The following RIMS2 variants were observed in gnomAD, a reference collection of about 807,000 sequenced individuals.
RIMS2 encodes the protein regulating synaptic membrane exocytosis protein 2.
Under a neutral mutation model 174.4 loss-of-function variants are expected in RIMS2, and 59 were observed. The observed-to-expected ratio is 0.34, with a 90% CI of 0.27 to 0.42. The LOEUF (loss-of-function observed/expected upper bound fraction) is 0.42, where lower values mean the gene tolerates loss of function less well. Among genes scored for constraint, RIMS2 ranks in the 10% least tolerant of loss-of-function variants. RIMS2 has a pLI of 1.00. For synonymous variants in RIMS2, 606 were observed against 572.5 expected, an observed-to-expected ratio of 1.06 and a Z score of -0.84; for missense variants, 1,620 against 1,666.3, an observed-to-expected ratio of 0.97 and a Z score of 0.48.
At chr8:103,769,881 A>G (rs1326427822) in intron 3 of RIMS2, among the ~76,000 whole-genome samples, 2 of 152,208 alleles carry the variant, frequency 1.3e-5, no homozygotes, top group African/African-American at 2.4e-5. Flanking sequence ...ATGCCCAACC[A>G]ATAGCTCCTT....
chr8:103,623,082 A>T (rs1009258786), intron 1 of RIMS2, among the ~76,000 whole-genome samples: 1 of 152,202 alleles, frequency 6.6e-6, no homozygotes, highest in Non-Finnish European at 1.5e-5. Flanking sequence ...GGTGATGGCA[A>T]ATTTGATCTG....
At chr8:103,789,771 T>TTTTTTTTA (rs2098479552) in intron 3 of RIMS2, among the ~76,000 whole-genome samples, 2 of 100,676 alleles carry the variant, frequency 2.0e-5, no homozygotes, top group African/African-American at 8.5e-5. Flanking sequence ...TTTTTTTTTT[T>TTTTTTTTA]GAGACAGGGT....
chr8:104,221,244 A>G (rs2099153629), intron 19 of RIMS2, among the ~76,000 whole-genome samples: 1 of 152,218 alleles, frequency 6.6e-6, no homozygotes. Context: ...TCACAGCTCA[A>G]TACATACGTG....
intron 1 of RIMS2, among the ~76,000 whole-genome samples, chr8:103,593,355 A>G (rs2094345807): frequency 6.6e-6 from 1 of 151,552 alleles, no homozygotes; most frequent in African/African-American, 2.4e-5. Context: ...CACATGGGTA[A>G]AAGACCTATT....
At chr8:104,253,105 C>A (rs1425700507), downstream of RIMS2, 1 of 152,142 alleles carries the variant, frequency 6.6e-6, no homozygotes, top group South Asian at 2.1e-4. Flanking sequence ...GATATTTGAA[C>A]TTTTGCAGTT....
chr8:103,969,883 G>T (rs1047229304), intron 15 of RIMS2, among the ~76,000 whole-genome samples: 1 of 152,030 alleles, frequency 6.6e-6, no homozygotes, highest in Non-Finnish European at 1.5e-5. Flanking sequence ...TTACTAGCTG[G>T]GACTATGGGT....
At chr8:104,083,955 T>A (rs1377522875) in intron 19 of RIMS2, among the ~76,000 whole-genome samples, 1 of 152,112 alleles carries the variant, frequency 6.6e-6, no homozygotes, top group African/African-American at 2.4e-5. Flanking sequence ...GTGTTAATGT[T>A]ATATATTATC....
At chr8:104,046,820 A>T (rs932530640) in intron 19 of RIMS2, among the ~76,000 whole-genome samples, 5 of 152,056 alleles carry the variant, frequency 3.3e-5, no homozygotes, top group Non-Finnish European at 7.4e-5. Context: ...CACTCAGTCT[A>T]TAAGGAGGCA....
exon 24 of RIMS2, chr8:104,251,719 C>T (rs745802688): frequency 1.9e-6 from 3 of 1,610,656 alleles, no homozygotes; most frequent in East Asian, 4.5e-5. Context: ...CAAACTTTTC[C>T]CACCTTCCTC....
intron 19 of RIMS2, among the ~76,000 whole-genome samples, chr8:104,123,224 G>A (rs913341106): frequency 5.4e-4 from 82 of 151,904 alleles, no homozygotes; most frequent in African/African-American, 2.0e-3. Context: ...CTCAGTATGT[G>A]TATATTTTTA....
intron 19 of RIMS2, among the ~76,000 whole-genome samples, chr8:104,139,461 T>A (rs1271002389): frequency 6.6e-6 from 1 of 152,128 alleles, no homozygotes; most frequent in Non-Finnish European, 1.5e-5. Context: ...GTAGTTTTAT[T>A]ATAGAGATAT....
exon 5 of RIMS2, chr8:103,910,138 C>T: frequency 6.2e-7 from 1 of 1,604,774 alleles, no homozygotes; most frequent in East Asian, 2.2e-5. Context: ...TCACAGGAGA[C>T]ATGGATTACA....
intron 3 of RIMS2, among the ~76,000 whole-genome samples, chr8:103,811,910 A>G (rs2098690068): frequency 6.6e-6 from 1 of 152,228 alleles, no homozygotes; most frequent in Non-Finnish European, 1.5e-5. Context: ...AGAGATCACA[A>G]TTATGGTGTG....
chr8:103,556,390 T>C (rs544249897), intron 1 of RIMS2, among the ~76,000 whole-genome samples: 3 of 152,322 alleles, frequency 2.0e-5, no homozygotes, highest in African/African-American at 7.2e-5. Context: ...TAAAATGACA[T>C]ACTTTCTCAA....
intron 2 of RIMS2, among the ~76,000 whole-genome samples, chr8:103,748,024 A>G (rs1415675938): frequency 6.6e-6 from 1 of 152,172 alleles, no homozygotes; most frequent in South Asian, 2.1e-4. Flanking sequence ...ATTGCTTTTT[A>G]GCAGTACAGG....
intron 1 of RIMS2, among the ~76,000 whole-genome samples, chr8:103,606,534 G>T (rs2095095124): frequency 6.6e-6 from 1 of 152,164 alleles, no homozygotes; most frequent in Admixed American, 6.5e-5. Context: ...GTGCAGAGCT[G>T]GGTTCAATTC....
chr8:103,919,780 A>G (rs976518206), intron 9 of RIMS2, among the ~76,000 whole-genome samples: 3 of 152,192 alleles, frequency 2.0e-5, no homozygotes, highest in Non-Finnish European at 4.4e-5. Flanking sequence ...ATATGGTCCC[A>G]TGGCTTATTT....
chr8:103,583,080 C>G (rs980001405), intron 1 of RIMS2, among the ~76,000 whole-genome samples: 1 of 152,200 alleles, frequency 6.6e-6, no homozygotes, highest in African/African-American at 2.4e-5. Flanking sequence ...CTTTAGGTGG[C>G]TCAGAACACA....
chr8:103,738,032 CTTT>C (rs973300627), intron 2 of RIMS2, among the ~76,000 whole-genome samples: 2 of 152,116 alleles, frequency 1.3e-5, no homozygotes, highest in African/African-American at 4.8e-5. Context: ...TGTCTGTCTT[CTTT>C]AATACTGTGT....
Sources: allele counts gnomAD v4.1 joint callset (sites outside exome capture counted in the v4.1 genomes callset), GRCh38; gene constraint gnomAD v4.1.1; transcripts MANE v1.5; gene names NCBI Gene and HGNC (gene_info 2026-07-23, HGNC 2026-07-21).